PROM1: variants seen among roughly 807,000 people sequenced by gnomAD.
PROM1 encodes prominin 1, also known as prominin-1.
A neutral mutation model predicts 116.9 loss-of-function variants in PROM1; 105 were observed. The observed-to-expected ratio is 0.90, with a 90% CI of 0.77 to 1.06. The LOEUF is 1.06. Among genes scored for constraint, PROM1 ranks in the 50% least tolerant of loss-of-function variants. The probability of loss-of-function intolerance (pLI) is 0.00; values close to 1 mark genes in which losing one functional copy is unlikely to be tolerated. For missense variants in PROM1, 1,122 were observed against 1,045.2 expected, an observed-to-expected ratio of 1.07 and a Z score of -1.01; for synonymous variants, 393 against 387.0, an observed-to-expected ratio of 1.02 and a Z score of -0.18.
chr4:16,050,258 C>CA (rs535857294), intron 2 of PROM1, among the ~76,000 whole-genome samples: 1,848 of 129,384 alleles, frequency 0.014, 51 homozygotes, highest in East Asian at 0.088. Context: ...AAGACTGTCT[C>CA]AAAAAAAAAA....
chr4:16,026,486 A>T (rs1731322116), intron 5 of PROM1, among the ~76,000 whole-genome samples: 1 of 152,188 alleles, frequency 6.6e-6, no homozygotes, highest in South Asian at 2.1e-4. Context: ...AGTTTTGCAA[A>T]TAATAGGCAA....
intron 8 of PROM1, among the ~76,000 whole-genome samples, chr4:16,019,240 A>G (rs180680143): frequency 1.1e-4 from 17 of 152,332 alleles, no homozygotes; most frequent in Non-Finnish European, 2.1e-4. Flanking sequence ...CCAACTAACA[A>G]CAGTTCAATT....
intron 17 of PROM1, 133 bp downstream of exon 17, chr4:15,992,115 C>T (rs1577888647): frequency 8.7e-7 from 1 of 1,155,278 alleles, no homozygotes; most frequent in East Asian, 2.4e-5. Context: ...CTCAATGCCA[C>T]CGAATTGCTC....
intron 12 of PROM1, among the ~76,000 whole-genome samples, chr4:16,008,576 G>C (rs1282119414): frequency 6.6e-6 from 1 of 152,134 alleles, no homozygotes; most frequent in African/African-American, 2.4e-5. Flanking sequence ...TTACATGCCT[G>C]GTTTGATAAT....
chr4:16,009,367 C>T (rs570513908), intron 11 of PROM1, among the ~76,000 whole-genome samples: 37 of 152,330 alleles, frequency 2.4e-4, no homozygotes, highest in African/African-American at 8.4e-4. Context: ...CTTCCACTTA[C>T]TTTACTTAAA....
chr4:16,046,522 T>G (rs1468801698), intron 2 of PROM1, among the ~76,000 whole-genome samples: 1 of 152,350 alleles, frequency 6.6e-6, no homozygotes, highest in East Asian at 1.9e-4. Flanking sequence ...AGGAAAACAA[T>G]GTTTAAGGAG....
intron 2 of PROM1, among the ~76,000 whole-genome samples, chr4:16,073,910 A>G (rs1213269109): frequency 1.3e-5 from 2 of 152,198 alleles, no homozygotes; most frequent in East Asian, 3.8e-4. Flanking sequence ...AAACCTTCCA[A>G]TCAAATCTAA....
At chr4:15,969,787 G>C (rs955219247) in intron 27 of PROM1, among the ~76,000 whole-genome samples, 1 of 151,164 alleles carries the variant, frequency 6.6e-6, no homozygotes, top group Admixed American at 6.6e-5. Flanking sequence ...ATGTTGGCCA[G>C]GCTGGTCTCG....
chr4:16,013,392 G>A, intron 10 of PROM1, 54 bp from the exon 11 acceptor site: 7 of 1,284,870 alleles, frequency 5.4e-6, no homozygotes, highest in Non-Finnish European at 7.9e-6. Context: ...AAGACTAGTT[G>A]ACTAGTCACT....
At chr4:16,003,457 C>T in intron 13 of PROM1, 2 of 455,726 alleles carry the variant, frequency 4.4e-6, no homozygotes. Context: ...AAACTGCCAC[C>T]AGCCATAGGA....
chr4:16,018,040 A>G (rs1420336402), intron 9 of PROM1, among the ~76,000 whole-genome samples: 4 of 152,154 alleles, frequency 2.6e-5, no homozygotes, highest in Non-Finnish European at 5.9e-5. Context: ...AAAGGTCTAC[A>G]TGAATATATT....
chr4:16,031,967 C>T (rs1350534662), intron 5 of PROM1, among the ~76,000 whole-genome samples: 7 of 151,682 alleles, frequency 4.6e-5, no homozygotes. Context: ...AATACCCGAG[C>T]CTGGTACATA....
At chr4:16,067,494 G>A (rs1213564364) in intron 2 of PROM1, among the ~76,000 whole-genome samples, 2 of 152,152 alleles carry the variant, frequency 1.3e-5, no homozygotes, top group South Asian at 2.1e-4. Context: ...CCCTGAAAGC[G>A]GGCACACAGT....
intron 5 of PROM1, among the ~76,000 whole-genome samples, chr4:16,032,214 T>A (rs933716776): frequency 6.6e-6 from 1 of 151,984 alleles, no homozygotes; most frequent in African/African-American, 2.4e-5. Flanking sequence ...TTTCACTTCA[T>A]CTGTCATGGT....
At position 16,025,332 on chromosome 4, in the gene PROM1, G is replaced by A. The variant is rs1185523887; in HGVS notation, c.510-20C>T. ...CCAATGCTGCAGGAAAAGGCAGAGA[G>A]AAGAAAGAGCATTTACTGTGTGGTC... On this transcript the variant is annotated intron_variant, in intron 5 of 27. Coordinates refer to ENST00000447510, the MANE Select transcript of PROM1 (RefSeq NM_006017.3). The A allele has an allele frequency of 1.2e-6, 2 of 1,613,016 alleles. No homozygotes were observed. The highest frequency in any genetic ancestry group is 1.3e-5 in the African/African-American group (1 of 75,040).
intron 13 of PROM1, among the ~76,000 whole-genome samples, chr4:16,002,327 T>C (rs1489614793): frequency 1.3e-5 from 2 of 152,220 alleles, no homozygotes; most frequent in African/African-American, 2.4e-5. Flanking sequence ...ATACCCAATG[T>C]ACCCGGTGCG....
At position 16,006,648 on chromosome 4, in the gene PROM1, G is replaced by C; in HGVS notation, c.1344C>G (p.Ile448Met). The change falls in exon 13 of 28, where the codon ATC becomes ATG. Residue 448 changes from isoleucine (I) to methionine (M), a missense_variant. Ile to Met is a conservative substitution (Grantham distance 10, BLOSUM62 1). Coordinates refer to ENST00000447510, the MANE Select transcript of PROM1 (RefSeq NM_006017.3). ...GTAAGCCCAGGTAGTAAAAAATCAC[G>C]ATGAGGGTCAGCAGAGAGCAGATGA... ...GLVICSLLTL[I>M]VIFYYLGLLC... 1.2e-6 allele frequency: 2 copies of C among 1,612,892 alleles called. No homozygotes were observed. The highest frequency in any genetic ancestry group is 1.7e-6 in the Non-Finnish European group (2 of 1,179,550).
chr4:16,012,661 G>A (rs890966251), intron 11 of PROM1, among the ~76,000 whole-genome samples: 4 of 151,954 alleles, frequency 2.6e-5, no homozygotes. Flanking sequence ...ATGAGGTCAG[G>A]AGATCGAGAC....
At chr4:16,034,563 T>C (rs916707459) in intron 4 of PROM1, among the ~76,000 whole-genome samples, 1 of 152,176 alleles carries the variant, frequency 6.6e-6, no homozygotes, top group African/African-American at 2.4e-5. Context: ...AAACATATTT[T>C]CATAATCACT....
Sources: gnomAD v4.1 joint callset for allele counts (sites outside exome capture counted in the v4.1 genomes callset) on GRCh38, gnomAD v4.1.1 for gene constraint, MANE v1.5 for transcripts, NCBI Gene and HGNC (gene_info 2026-07-23, HGNC 2026-07-21) for gene names.